The following SIAH3 variants were observed in gnomAD, a reference collection of about 807,000 sequenced individuals.
SIAH3 encodes seven in absentia homolog 3.
In SIAH3, 9 loss-of-function variants were observed where a neutral mutation model predicts 12.6. That is an observed-to-expected ratio of 0.72 (90% CI 0.43 to 1.25). The LOEUF (loss-of-function observed/expected upper bound fraction) is 1.25, where lower values mean the gene tolerates loss of function less well. Among genes scored for constraint, SIAH3 ranks in the 50% most tolerant of loss-of-function variants. The pLI, the probability that SIAH3 is intolerant of heterozygous loss-of-function variation, is 0.00. For synonymous variants in SIAH3, 154 were observed against 151.1 expected, an observed-to-expected ratio of 1.02 and a Z score of -0.14; for missense variants, 390 against 365.4, an observed-to-expected ratio of 1.07 and a Z score of -0.55.
At chr13:45,824,865 G>A (rs947198744) in intron 1 of SIAH3, among the ~76,000 whole-genome samples, 18 of 147,300 alleles carry the variant, frequency 1.2e-4, no homozygotes, top group Admixed American at 4.1e-4. Flanking sequence ...GCGACAGAGC[G>A]AGACTCTGTC....
rs982550969 is a variant in SIAH3 at position 45,778,819 on chromosome 13, G to A, written c.*4564C>T. Reference sequence around the variant, plus strand: ...TGACATAGCATTTACATTGTATTAGGTATTATAAGTACTCTAGAGATTATT... The same window carrying A: ...TGACATAGCATTTACATTGTATTAGATATTATAAGTACTCTAGAGATTATT... On this transcript the variant is annotated 3_prime_UTR_variant, in exon 2 of 2. Coordinates refer to ENST00000400405, the MANE Select transcript of SIAH3 (RefSeq NM_198849.3). 7.2e-5 allele frequency: 11 copies of A among 152,238 alleles called. No individual in the cohort carries two copies. In the East Asian group the frequency reaches 1.5e-3, roughly 21 times the overall value. 9.4% of individuals were successfully genotyped at this position (152,238 alleles called of 1,614,324 possible).
intron 1 of SIAH3, among the ~76,000 whole-genome samples, chr13:45,791,217 A>C (rs1950544731): frequency 6.6e-6 from 1 of 152,078 alleles, no homozygotes; most frequent in Admixed American, 6.6e-5. Flanking sequence ...TTTTCTCCTC[A>C]ACTAGGTTGG....
chr13:45,837,492 AAAAG>A (rs762591951), intron 1 of SIAH3, among the ~76,000 whole-genome samples: 8 of 151,846 alleles, frequency 5.3e-5, no homozygotes, highest in African/African-American at 1.7e-4. Flanking sequence ...GAGGGAAAGA[AAAAG>A]AAAGAAAGAA....
chr13:45,798,692 A>C (rs1015520476), intron 1 of SIAH3, among the ~76,000 whole-genome samples: 11 of 152,218 alleles, frequency 7.2e-5, no homozygotes, highest in Non-Finnish European at 1.6e-4. Flanking sequence ...TCACTTCGGC[A>C]CTGGCCCTAT....
intron 1 of SIAH3, among the ~76,000 whole-genome samples, chr13:45,797,643 ACT>A (rs780537183): frequency 1.3e-5 from 2 of 151,970 alleles, no homozygotes; most frequent in African/African-American, 4.8e-5. Context: ...TAAAATGCAC[ACT>A]CTGATACAGC....
At chr13:45,826,733 T>C (rs1160927536) in intron 1 of SIAH3, among the ~76,000 whole-genome samples, 1 of 152,066 alleles carries the variant, frequency 6.6e-6, no homozygotes, top group Non-Finnish European at 1.5e-5. Context: ...GGAGGGAAGG[T>C]AGAGCAGGTT....
chr13:45,791,688 T>C (rs1049951121), intron 1 of SIAH3, among the ~76,000 whole-genome samples: 2 of 152,194 alleles, frequency 1.3e-5, no homozygotes, highest in African/African-American at 4.8e-5. Context: ...AAGAAGAAAT[T>C]TCTCCTGCCA....
rs1367529732 is a variant in SIAH3 at position 45,778,979 on chromosome 13, T to C, written c.*4404A>G. 6.6e-6 allele frequency: 1 copy of C among 152,208 alleles called. No individual in the cohort carries two copies. The highest frequency in any genetic ancestry group is 6.5e-5 in the Admixed American group (1 of 15,286). The allele number at this position is 152,208 out of a possible 1,614,324, so 9.4% of individuals were successfully genotyped here. ...CCCCAAGGATACTGAGGGATGATTATACTGTTAAGTGCTTAACAACTGGCT... is the reference window on the plus strand; with the variant it reads ...CCCCAAGGATACTGAGGGATGATTACACTGTTAAGTGCTTAACAACTGGCT... On this transcript the variant is annotated 3_prime_UTR_variant, in exon 2 of 2. Transcript: ENST00000400405.
intron 1 of SIAH3, among the ~76,000 whole-genome samples, chr13:45,821,136 A>G (rs12585717): frequency 0.12 from 18,201 of 152,232 alleles, 1,453 homozygotes; most frequent in East Asian, 0.37. Flanking sequence ...GAGGTCATTA[A>G]GGTGGGCCCT....
At chr13:45,829,747 T>C (rs1593385960) in intron 1 of SIAH3, among the ~76,000 whole-genome samples, 1 of 152,250 alleles carries the variant, frequency 6.6e-6, no homozygotes, top group Non-Finnish European at 1.5e-5. Flanking sequence ...ACTGTCTTGC[T>C]TGTTTCCCTT....
chr13:45,797,081 T>C (rs1037254520), intron 1 of SIAH3, among the ~76,000 whole-genome samples: 5 of 152,198 alleles, frequency 3.3e-5, no homozygotes, highest in Non-Finnish European at 7.4e-5. Context: ...GGAACAAGTT[T>C]ATTAGTGTCT....
intron 1 of SIAH3, among the ~76,000 whole-genome samples, chr13:45,804,684 C>T (rs1033986098): frequency 2.0e-5 from 3 of 152,054 alleles, no homozygotes. Context: ...TCTCACTATT[C>T]CTATTCAACG....
In SIAH3 at chr13:45,783,230, A is replaced by G. The variant is rs1052060161; in HGVS notation, c.*153T>C. 6 of 464,664 alleles carry G rather than the reference A, an allele frequency of 1.3e-5. No homozygotes were observed. Among genetic ancestry groups the G allele is most frequent in the Non-Finnish European group, 2.1e-5 (6 of 286,620 alleles). The allele number at this position is 464,664 out of a possible 1,614,324, so 28.8% of individuals were successfully genotyped here. On this transcript the variant is annotated 3_prime_UTR_variant, in exon 2 of 2. Coordinates refer to ENST00000400405, the MANE Select transcript of SIAH3 (RefSeq NM_198849.3). ...CCATGGCAGACAAAAACTAAATCTC[A>G]CAAAGTACCTGAGACAAAAAAATAA...
intron 1 of SIAH3, among the ~76,000 whole-genome samples, chr13:45,818,037 G>A (rs1371247916): frequency 6.6e-6 from 1 of 152,182 alleles, no homozygotes; most frequent in African/African-American, 2.4e-5. Flanking sequence ...GTGCCCTAGA[G>A]GGAGCTATTG....
chr13:45,835,534 G>T (rs79537115), intron 1 of SIAH3, among the ~76,000 whole-genome samples: 1,799 of 152,296 alleles, frequency 0.012, 14 homozygotes, highest in Non-Finnish European at 0.021. Context: ...AACAACTGGA[G>T]GAGGCAGGCG....
chr13:45,822,520 A>AATATATACATATAT (rs1950659235), intron 1 of SIAH3, among the ~76,000 whole-genome samples: 1 of 85,408 alleles, frequency 1.2e-5, no homozygotes, highest in South Asian at 4.3e-4. Context: ...TTCATTATCA[A>AATATATACATATAT]ATATATATAT....
Position 45,783,282 on chromosome 13 carries a change from A to AAAC in SIAH3, c.*100_*101insGTT, listed in dbSNP as rs1950512012. 1 of 813,970 alleles carries AAAC rather than the reference A, an allele frequency of 1.2e-6. No homozygotes were observed. The highest frequency in any genetic ancestry group is 2.9e-5 in the Admixed American group (1 of 34,124). 50.4% of individuals were successfully genotyped at this position (813,970 alleles called of 1,614,324 possible). ...AATAATTAAAAATTAAAAAAAAAAA[A>AAAC]AAGAAAGGAGAAGAATAAAAAGGAG... is the stretch of plus-strand genomic sequence containing the variant. On this transcript the variant is annotated 3_prime_UTR_variant, in exon 2 of 2. Transcript: ENST00000400405.
intron 1 of SIAH3, among the ~76,000 whole-genome samples, chr13:45,844,822 A>G (rs118125827): frequency 6.6e-6 from 1 of 152,208 alleles, no homozygotes; most frequent in East Asian, 1.9e-4. Context: ...GAAACTACTT[A>G]TTGGTGAAAG....
At chr13:45,815,578 A>C (rs1950631651) in intron 1 of SIAH3, among the ~76,000 whole-genome samples, 1 of 152,148 alleles carries the variant, frequency 6.6e-6, no homozygotes, top group South Asian at 2.1e-4. Flanking sequence ...CATCCTATTC[A>C]TTCTGGTCTC....
Sources: gnomAD v4.1 joint callset for allele counts (sites outside exome capture counted in the v4.1 genomes callset) on GRCh38, gnomAD v4.1.1 for gene constraint, MANE v1.5 for transcripts, NCBI Gene and HGNC (gene_info 2026-07-23, HGNC 2026-07-21) for gene names.